The following POU6F2 variants were observed in gnomAD, a reference collection of about 807,000 sequenced individuals.
POU6F2 encodes the protein POU domain, class 6, transcription factor 2.
POU6F2 carries 31 observed loss-of-function variants against 71.3 expected under a neutral mutation model. The ratio of observed to expected loss-of-function variants is 0.43; its 90% confidence interval spans 0.33 to 0.59. The LOEUF is 0.59. Among genes scored for constraint, POU6F2 ranks in the 20% least tolerant of loss-of-function variants. POU6F2 has a pLI of 0.04. For missense variants in POU6F2, 783 were observed against 856.8 expected, an observed-to-expected ratio of 0.91 and a Z score of 1.07; for synonymous variants, 347 against 355.7, an observed-to-expected ratio of 0.98 and a Z score of 0.27.
chr7:39,226,844 T>C (rs1158763242), intron 4 of POU6F2, among the ~76,000 whole-genome samples: 1 of 152,200 alleles, frequency 6.6e-6, no homozygotes, highest in African/African-American at 2.4e-5. Context: ...ATACCTATCA[T>C]ATTTCAATAG....
intron 1 of POU6F2, chr7:39,012,953 C>T (rs988002252): frequency 1.3e-5 from 2 of 152,278 alleles, no homozygotes; most frequent in African/African-American, 4.8e-5. Context: ...ACATTTAAGT[C>T]TGCAGAGGTT....
intron 1 of POU6F2, among the ~76,000 whole-genome samples, chr7:39,001,369 T>A (rs923214227): frequency 2.6e-5 from 4 of 152,150 alleles, no homozygotes; most frequent in Non-Finnish European, 5.9e-5. Flanking sequence ...CAGGCATCTA[T>A]CCTGGGGATA....
chr7:39,326,281 C>T (rs548278443), intron 4 of POU6F2, among the ~76,000 whole-genome samples: 6 of 152,336 alleles, frequency 3.9e-5, no homozygotes, highest in African/African-American at 1.2e-4. Context: ...TGGTTATCCA[C>T]GTATTGGAGA....
In POU6F2 at chr7:39,206,047, T is replaced by A. The variant is rs528384824; in HGVS notation, c.370-1345T>A. ...TGGGCAAGTTACTAACCTCTCTGTA[T>A]CTCATTGGTAGATTAACTACAGCAT... On this transcript the variant is annotated intron_variant, in intron 3 of 9. Coordinates refer to ENST00000518318, the MANE Select transcript of POU6F2 (RefSeq NM_001370959.1). Among the ~76,000 whole-genome samples, 4 of 152,318 alleles carry A rather than the reference T, an allele frequency of 2.6e-5. No homozygotes were observed. In the East Asian group the frequency reaches 7.7e-4, roughly 29 times the overall value.
intron 4 of POU6F2, among the ~76,000 whole-genome samples, chr7:39,331,639 C>T (rs969311313): frequency 6.6e-6 from 1 of 152,128 alleles, no homozygotes; most frequent in African/African-American, 2.4e-5. Flanking sequence ...TCCTGAGTAG[C>T]TGGGACTACA....
At chr7:39,290,887 A>C (rs1401368803) in intron 4 of POU6F2, among the ~76,000 whole-genome samples, 1 of 152,216 alleles carries the variant, frequency 6.6e-6, no homozygotes, top group African/African-American at 2.4e-5. Context: ...TGAAAATTGC[A>C]AGTACTTGTG....
At chr7:39,258,873 AG>A (rs1308068096) in intron 4 of POU6F2, among the ~76,000 whole-genome samples, 1 of 152,208 alleles carries the variant, frequency 6.6e-6, no homozygotes, top group Admixed American at 6.5e-5. Flanking sequence ...CTGAAAAGAA[AG>A]GAAGCTAATT....
At chr7:39,035,731 T>TG (rs1335738195) in intron 1 of POU6F2, among the ~76,000 whole-genome samples, 2 of 152,052 alleles carry the variant, frequency 1.3e-5, no homozygotes, top group African/African-American at 4.8e-5. Flanking sequence ...CTTTTTTTTT[T>TG]TCTCCACTCT....
At chr7:39,025,369 C>T (rs1188714631) in intron 1 of POU6F2, among the ~76,000 whole-genome samples, 1 of 152,106 alleles carries the variant, frequency 6.6e-6, no homozygotes, top group Non-Finnish European at 1.5e-5. Context: ...CTATAGTAAC[C>T]AAAACAGCAT....
intron 5 of POU6F2, among the ~76,000 whole-genome samples, chr7:39,372,648 A>G (rs1786637503): frequency 6.6e-6 from 1 of 152,180 alleles, no homozygotes; most frequent in Admixed American, 6.5e-5. Context: ...GCATGGAAAC[A>G]CCCAGAATAA....
chr7:39,387,108 GGAC>G (rs1214036229), intron 5 of POU6F2, among the ~76,000 whole-genome samples: 3 of 152,224 alleles, frequency 2.0e-5, no homozygotes, highest in African/African-American at 7.2e-5. Context: ...GGAAGACAGT[GGAC>G]CCAACCCGCT....
At chr7:39,020,692 A>T (rs1476599006) in intron 1 of POU6F2, among the ~76,000 whole-genome samples, 1 of 151,976 alleles carries the variant, frequency 6.6e-6, no homozygotes, top group East Asian at 1.9e-4. Flanking sequence ...ACTCTGAAAG[A>T]GGTGTTATTG....
At chr7:39,356,146 A>G (rs560497697) in intron 5 of POU6F2, among the ~76,000 whole-genome samples, 22 of 152,276 alleles carry the variant, frequency 1.4e-4, no homozygotes, top group Non-Finnish European at 2.4e-4. Flanking sequence ...TTTGCAAACC[A>G]CTGTCAAGTT....
At chr7:39,158,093 T>G (rs1792910435) in intron 2 of POU6F2, among the ~76,000 whole-genome samples, 1 of 152,226 alleles carries the variant, frequency 6.6e-6, no homozygotes. Context: ...TTTAGTTTCT[T>G]CATCTGTAAA....
chr7:39,047,583 G>A (rs1030358722), intron 1 of POU6F2, among the ~76,000 whole-genome samples: 23 of 151,904 alleles, frequency 1.5e-4, no homozygotes, highest in East Asian at 9.7e-4. Context: ...TGTAGAAGGC[G>A]TGTGGTGTGT....
intron 2 of POU6F2, among the ~76,000 whole-genome samples, chr7:39,119,279 G>A (rs1791994854): frequency 6.6e-6 from 1 of 152,192 alleles, no homozygotes; most frequent in Admixed American, 6.5e-5. Flanking sequence ...AATTGGCAAA[G>A]AGTTTGAAAG....
intron 4 of POU6F2, among the ~76,000 whole-genome samples, chr7:39,230,469 A>G (rs1473118373): frequency 6.6e-6 from 1 of 151,940 alleles, no homozygotes; most frequent in Non-Finnish European, 1.5e-5. Context: ...GGGTGACAGC[A>G]TAAGACCCTG....
At chr7:39,445,378 T>C (rs1222130941) in intron 7 of POU6F2, among the ~76,000 whole-genome samples, 1 of 152,214 alleles carries the variant, frequency 6.6e-6, no homozygotes, top group Non-Finnish European at 1.5e-5. Flanking sequence ...GTCATGTATC[T>C]GGATAGCTAA....
intron 1 of POU6F2, among the ~76,000 whole-genome samples, chr7:39,080,845 G>A (rs1014261215): frequency 5.9e-5 from 9 of 152,104 alleles, no homozygotes; most frequent in African/African-American, 1.7e-4. Context: ...TAGTTTCTCC[G>A]ACTATAAAAT....
Sources: allele counts gnomAD v4.1 joint callset (sites outside exome capture counted in the v4.1 genomes callset), GRCh38; gene constraint gnomAD v4.1.1; transcripts MANE v1.5; gene names NCBI Gene and HGNC (gene_info 2026-07-23, HGNC 2026-07-21).